CTDSPL2: variants seen among roughly 807,000 people sequenced by gnomAD.
The protein encoded by CTDSPL2 is CTD small phosphatase like 2.
Under a neutral mutation model 60.0 loss-of-function variants are expected in CTDSPL2, and 5 were observed. The observed-to-expected ratio is 0.08, with a 90% CI of 0.04 to 0.18. The LOEUF (loss-of-function observed/expected upper bound fraction) is 0.18. Among genes scored for constraint, CTDSPL2 ranks in the 10% least tolerant of loss-of-function variants. The probability of loss-of-function intolerance (pLI) is 1.00; values close to 1 mark genes in which losing one functional copy is unlikely to be tolerated. For synonymous variants in CTDSPL2, 186 were observed against 189.3 expected, an observed-to-expected ratio of 0.98 and a Z score of 0.14; for missense variants, 370 against 548.8, an observed-to-expected ratio of 0.67 and a Z score of 3.26.
At chr15:44,438,820 C>T (rs549192464) in intron 1 of CTDSPL2, among the ~76,000 whole-genome samples, 2 of 152,224 alleles carry the variant, frequency 1.3e-5, no homozygotes, top group Admixed American at 1.3e-4. Flanking sequence ...AACTCCAACC[C>T]ACTACCTCTT....
rs2081900549 is a variant in CTDSPL2, at chr15:44,528,129, G to T, written c.*3955G>T. 6.6e-6 allele frequency: 1 copy of T among 152,072 alleles called. No homozygotes were observed. The highest frequency in any genetic ancestry group is 6.6e-5 in the Admixed American group (1 of 15,260). 9.4% of individuals were successfully genotyped at this position (152,072 alleles called of 1,614,324 possible). A position where few individuals can be genotyped will look rare whatever the true frequency, so the allele number is the denominator to read the frequency against. On this transcript the variant is annotated 3_prime_UTR_variant, in exon 13 of 13. Transcript: ENST00000260327. Reference sequence around the variant, plus strand: ...GTTCTGGGGATATAACATGATTTGAGATCTTTTTTAAAAAAGGGTGGGGCG... The same window carrying T: ...GTTCTGGGGATATAACATGATTTGATATCTTTTTTAAAAAAGGGTGGGGCG...
At chr15:44,480,931 T>G (rs565586760) in intron 2 of CTDSPL2, among the ~76,000 whole-genome samples, 7 of 152,352 alleles carry the variant, frequency 4.6e-5, no homozygotes, top group African/African-American at 1.7e-4. Context: ...ACTGTGTCTT[T>G]CCTAGTTCGT....
chr15:44,454,288 G>A lies in CTDSPL2; in HGVS notation c.-24-4703G>A, dbSNP rs183404080. Among the ~76,000 whole-genome samples, 513 of 151,738 alleles carry A rather than the reference G, an allele frequency of 3.4e-3. 3 individuals carry two copies. Among genetic ancestry groups the A allele is most frequent in the African/African-American group, 0.012 (486 of 41,390 alleles). ...TTTTTGATGGAGTTGTTTTTTTCTT[G>A]TAAGTTTGTTTGAGTTCTTTGTAGA... On this transcript the variant is annotated intron_variant, in intron 1 of 12. Coordinates refer to ENST00000260327, the MANE Select transcript of CTDSPL2 (RefSeq NM_016396.3).
At chr15:44,455,536 A>G (rs1165855732) in intron 1 of CTDSPL2, among the ~76,000 whole-genome samples, 2 of 152,188 alleles carry the variant, frequency 1.3e-5, no homozygotes, top group African/African-American at 4.8e-5. Context: ...TTGCCCATTC[A>G]GTATGATATT....
chr15:44,443,081 G>A (rs1048875862), intron 1 of CTDSPL2, among the ~76,000 whole-genome samples: 1 of 152,126 alleles, frequency 6.6e-6, no homozygotes, highest in African/African-American at 2.4e-5. Context: ...TAAAAACTGT[G>A]TTAAACCATT....
chr15:44,456,072 G>A (rs182083439), intron 1 of CTDSPL2, among the ~76,000 whole-genome samples: 20,753 of 151,244 alleles, frequency 0.14, 2,228 homozygotes, highest in African/African-American at 0.3. Flanking sequence ...GGATGGTCTC[G>A]ATCTCCTGAC....
intron 2 of CTDSPL2, among the ~76,000 whole-genome samples, chr15:44,461,573 C>CTT (rs35540014): frequency 3.1e-4 from 39 of 125,658 alleles, no homozygotes; most frequent in South Asian, 5.2e-4. Flanking sequence ...GTTTCTCTCC[C>CTT]TTTTTTTTTT....
intron 1 of CTDSPL2, among the ~76,000 whole-genome samples, chr15:44,456,169 T>A (rs1595714404): frequency 1.3e-5 from 2 of 152,306 alleles, no homozygotes; most frequent in African/African-American, 4.8e-5. Flanking sequence ...GATTTTTGCA[T>A]CAATGTTCAT....
intron 8 of CTDSPL2, among the ~76,000 whole-genome samples, chr15:44,500,540 A>G (rs1167838098): frequency 6.6e-6 from 1 of 152,200 alleles, no homozygotes; most frequent in Non-Finnish European, 1.5e-5. Context: ...TATTTGCATT[A>G]TATAATAGTT....
chr15:44,438,675 T>G (rs992908503), intron 1 of CTDSPL2, among the ~76,000 whole-genome samples: 1 of 151,966 alleles, frequency 6.6e-6, no homozygotes, highest in Non-Finnish European at 1.5e-5. Flanking sequence ...CAGTTTTGGG[T>G]GAGTTGAATT....
intron 1 of CTDSPL2, among the ~76,000 whole-genome samples, chr15:44,454,907 T>C (rs2080403616): frequency 6.6e-6 from 1 of 152,190 alleles, no homozygotes; most frequent in Non-Finnish European, 1.5e-5. Flanking sequence ...CTTGGCAGTG[T>C]GGGCTCTTTT....
At chr15:44,456,947 G>A (rs988645586) in intron 1 of CTDSPL2, among the ~76,000 whole-genome samples, 27 of 150,072 alleles carry the variant, frequency 1.8e-4, no homozygotes, top group African/African-American at 6.4e-4. Flanking sequence ...CGCGGTATTG[G>A]CTTACTGCAG....
chr15:44,469,360 A>AT (rs1009367017), intron 2 of CTDSPL2, among the ~76,000 whole-genome samples: 80 of 152,358 alleles, frequency 5.3e-4, no homozygotes, highest in African/African-American at 1.9e-3. Context: ...ATATGAAACA[A>AT]TTAGTGTGCT....
chr15:44,477,024 G>A (rs752834208), intron 2 of CTDSPL2, among the ~76,000 whole-genome samples: 1 of 152,156 alleles, frequency 6.6e-6, no homozygotes, highest in Non-Finnish European at 1.5e-5. Flanking sequence ...AGGATTTCGA[G>A]ACCAACCTGT....
intron 1 of CTDSPL2, among the ~76,000 whole-genome samples, chr15:44,458,531 A>G (rs2080496211): frequency 1.3e-5 from 2 of 152,224 alleles, no homozygotes; most frequent in African/African-American, 4.8e-5. Context: ...ATTGGCTGAC[A>G]TTACTTTTCC....
rs149589413 is a variant in CTDSPL2, at chr15:44,461,817, G to A, written c.186+2617G>A. 9.1e-3 allele frequency among the ~76,000 whole-genome samples: 1,380 copies of A among 152,226 alleles called. 26 individuals carry two copies. Among genetic ancestry groups the A allele is most frequent in the African/African-American group, 0.032 (1,341 of 41,526 alleles). On this transcript the variant is annotated intron_variant, in intron 2 of 12. Transcript: ENST00000260327. The stretch of plus-strand genomic sequence containing the variant: ...TAAATGGAAGTAGAGCATCATAAAG[G>A]TCTTATCCTCATTATCTTCTAGGCT...
chr15:44,525,416 TCTC>T lies in CTDSPL2; in HGVS notation c.*1245_*1247del. 1 of 398,948 alleles carries T rather than the reference TCTC, an allele frequency of 2.5e-6. No homozygotes were observed. Among genetic ancestry groups the T allele is most frequent in the Non-Finnish European group, 4.4e-6 (1 of 225,980 alleles). The allele number at this position is 398,948 out of a possible 1,614,324, so 24.7% of individuals were successfully genotyped here. A position where few individuals can be genotyped will look rare whatever the true frequency, so the allele number is the denominator to read the frequency against. On this transcript the variant is annotated 3_prime_UTR_variant, in exon 13 of 13. Coordinates refer to ENST00000260327, the MANE Select transcript of CTDSPL2 (RefSeq NM_016396.3). The stretch of plus-strand genomic sequence containing the variant: ...TTGATATTTTTATAGTGGCGTGTAA[TCTC>T]CTTTTCGGGAGGCTTTTTATGGAAG...
At chr15:44,500,137 G>GT (rs1485917963) in intron 8 of CTDSPL2, among the ~76,000 whole-genome samples, 1 of 152,142 alleles carries the variant, frequency 6.6e-6, no homozygotes, top group East Asian at 1.9e-4. Context: ...AACTCCTGGT[G>GT]TTTTTGTTTT....
intron 1 of CTDSPL2, among the ~76,000 whole-genome samples, chr15:44,439,033 T>C (rs1349291093): frequency 1.3e-5 from 2 of 152,162 alleles, no homozygotes; most frequent in Admixed American, 1.3e-4. Context: ...ATTGCCCTTA[T>C]TGCTATGTTT....
Sources: allele counts gnomAD v4.1 joint callset (sites outside exome capture counted in the v4.1 genomes callset), GRCh38; gene constraint gnomAD v4.1.1; transcripts MANE v1.5; gene names NCBI Gene and HGNC (gene_info 2026-07-23, HGNC 2026-07-21).